CSMD2: variants seen among roughly 807,000 people sequenced by gnomAD.
The protein encoded by CSMD2 is CUB and sushi domain-containing protein 2.
CSMD2 carries 130 observed loss-of-function variants against 398.5 expected under a neutral mutation model. The observed-to-expected ratio is 0.33, with a 90% CI of 0.28 to 0.38. The LOEUF is 0.38. Ranked by LOEUF, CSMD2 falls within the 10% of genes least tolerant of loss-of-function variation. CSMD2 has a pLI of 1.00. For synonymous variants in CSMD2, 1,828 were observed against 1,908.5 expected, an observed-to-expected ratio of 0.96 and a Z score of 1.10; for missense variants, 3,829 against 4,764.9, an observed-to-expected ratio of 0.80 and a Z score of 5.78.
chr1:33,659,777 A>G (rs558513185), intron 26 of CSMD2, among the ~76,000 whole-genome samples: 63 of 152,364 alleles, frequency 4.1e-4, no homozygotes, highest in Non-Finnish European at 7.9e-4. Flanking sequence ...CTTGAGTTAC[A>G]CAATCTGATA....
chr1:34,103,332 T>A (rs1167471207), intron 1 of CSMD2, among the ~76,000 whole-genome samples: 1 of 133,066 alleles, frequency 7.5e-6, no homozygotes, highest in Admixed American at 8.4e-5. Flanking sequence ...AGATTCTCGC[T>A]CTGTCAACCA....
At chr1:33,978,466 T>C (rs1181598567) in intron 3 of CSMD2, among the ~76,000 whole-genome samples, 1 of 152,090 alleles carries the variant, frequency 6.6e-6, no homozygotes, top group Non-Finnish European at 1.5e-5. Flanking sequence ...AGAAAGATCA[T>C]GATGAGCTGT....
intron 6 of CSMD2, among the ~76,000 whole-genome samples, chr1:33,833,642 T>C (rs950311376): frequency 2.7e-5 from 4 of 149,616 alleles, no homozygotes; most frequent in African/African-American, 9.9e-5. Flanking sequence ...CTGTTGGAAG[T>C]TCTGGCCAGG....
chr1:33,996,223 T>G (rs1204924580), intron 3 of CSMD2, among the ~76,000 whole-genome samples: 1 of 152,066 alleles, frequency 6.6e-6, no homozygotes, highest in East Asian at 1.9e-4. Context: ...CCATGCCCTC[T>G]GGCTGGATCT....
chr1:34,067,184 G>A lies in CSMD2; in HGVS notation c.404+21793C>T, dbSNP rs77429034. On this transcript the variant is annotated intron_variant, in intron 2 of 70. Coordinates refer to ENST00000373381, the MANE Select transcript of CSMD2 (RefSeq NM_001281956.2). ...CACAGCTCTGGGTAGTGATTAGAGG[G>A]AAAACTATTGAGAAATATATATTTA... Among the ~76,000 whole-genome samples the A allele has an allele frequency of 2.8e-4, 43 of 152,240 alleles. 1 individual carries two copies. In the East Asian group the frequency reaches 8.3e-3, roughly 29 times the overall value.
rs1237769932 is a variant in CSMD2 at position 33,791,517 on chromosome 1, ACT to A, written c.1550+904_1550+905del. ...TTTTTCTTTTTTTAGACAGGATCTCACTCTGTCACCCAGGCTAGAGTGTAGTG... is the reference window on the plus strand; with the variant it reads ...TTTTTCTTTTTTTAGACAGGATCTCACTGTCACCCAGGCTAGAGTGTAGTG... On this transcript the variant is annotated intron_variant, in intron 11 of 70. Coordinates refer to ENST00000373381, the MANE Select transcript of CSMD2 (RefSeq NM_001281956.2). 2.6e-5 allele frequency among the ~76,000 whole-genome samples: 4 copies of A among 151,584 alleles called. No individual in the cohort carries two copies. The East Asian group carries it at 7.7e-4, about 29-fold the overall frequency.
intron 42 of CSMD2, among the ~76,000 whole-genome samples, chr1:33,604,051 G>A (rs1226446638): frequency 2.6e-5 from 4 of 152,206 alleles, no homozygotes; most frequent in African/African-American, 9.7e-5. Context: ...TTAGGGACAT[G>A]GGAGAAAGCA....
rs144953775 is a variant in CSMD2 at position 33,668,113 on chromosome 1, G to A, written c.4053-5021C>T. ...CACATGGAGAGCAGGAGGGGTGAGAGGTGGGAGGAAGCCTGCAGTGAATAA... is the reference window on the plus strand; with the variant it reads ...CACATGGAGAGCAGGAGGGGTGAGAAGTGGGAGGAAGCCTGCAGTGAATAA... On this transcript the variant is annotated intron_variant, in intron 25 of 70. Coordinates refer to ENST00000373381, the MANE Select transcript of CSMD2 (RefSeq NM_001281956.2). 3.2e-3 allele frequency among the ~76,000 whole-genome samples: 485 copies of A among 152,248 alleles called. 5 individuals carry two copies. Among genetic ancestry groups the A allele is most frequent in the African/African-American group, 0.011 (468 of 41,552 alleles).
intron 3 of CSMD2, among the ~76,000 whole-genome samples, chr1:34,018,179 C>T (rs12024759): frequency 0.093 from 14,214 of 152,144 alleles, 995 homozygotes; most frequent in East Asian, 0.3. Context: ...GGTTTTTTCA[C>T]AGAAAATAAT....
chr1:33,595,465 A>G (rs1275751140), intron 44 of CSMD2, among the ~76,000 whole-genome samples: 2 of 151,816 alleles, frequency 1.3e-5, no homozygotes, highest in African/African-American at 4.8e-5. Flanking sequence ...TCCCTTTGTT[A>G]TTATTGTGTG....
At chr1:33,965,400 A>G (rs1645522221) in intron 3 of CSMD2, among the ~76,000 whole-genome samples, 1 of 152,186 alleles carries the variant, frequency 6.6e-6, no homozygotes, top group Non-Finnish European at 1.5e-5. Context: ...CCATAAACAC[A>G]CAATCTCCAG....
At chr1:33,755,596 T>C (rs553969853) in intron 13 of CSMD2, among the ~76,000 whole-genome samples, 8 of 152,310 alleles carry the variant, frequency 5.3e-5, no homozygotes, top group African/African-American at 1.9e-4. Context: ...CCTAGATTCA[T>C]ATTTGATATA....
chr1:34,165,382 A>T, upstream of CSMD2: 1 of 936,434 alleles, frequency 1.1e-6, no homozygotes. Flanking sequence ...GCCGCTCCAA[A>T]TGCTGGGGGT....
chr1:34,015,162 G>A (rs1375255364), intron 3 of CSMD2, among the ~76,000 whole-genome samples: 1 of 152,206 alleles, frequency 6.6e-6, no homozygotes, highest in Non-Finnish European at 1.5e-5. Flanking sequence ...GAACCCAGGT[G>A]CATGTACCCA....
chr1:34,011,879 C>A (rs572815411), intron 3 of CSMD2, among the ~76,000 whole-genome samples: 3 of 152,144 alleles, frequency 2.0e-5, no homozygotes, highest in African/African-American at 7.2e-5. Flanking sequence ...CCACTCACAA[C>A]CCTTCCCAGC....
chr1:33,524,913 GATCAT>G lies in CSMD2; in HGVS notation c.10360_10364del (p.Met3454ArgfsTer37). On this transcript the variant is annotated frameshift_variant, in exon 66 of 71. Coordinates refer to ENST00000373381, the MANE Select transcript of CSMD2 (RefSeq NM_001281956.2). LOFTEE classifies it high-confidence loss of function. ...AGTGCAGCTCCACGCCACTGTGGTC[GATCAT>G]GGTGGCATTGACCTTGCTGTTGGCA... 1 of 1,614,160 alleles carries G rather than the reference GATCAT, an allele frequency of 6.2e-7. No individual in the cohort carries two copies. Among genetic ancestry groups the G allele is most frequent in the Non-Finnish European group, 8.5e-7 (1 of 1,180,026 alleles).
intron 3 of CSMD2, among the ~76,000 whole-genome samples, chr1:33,949,914 A>T (rs1485916861): frequency 6.6e-6 from 1 of 152,000 alleles, no homozygotes; most frequent in Non-Finnish European, 1.5e-5. Flanking sequence ...AGTGCCTCCA[A>T]CTGCACATGG....
chr1:33,967,202 T>C (rs914961727), intron 3 of CSMD2, among the ~76,000 whole-genome samples: 7 of 151,554 alleles, frequency 4.6e-5, no homozygotes, highest in African/African-American at 7.3e-5. Flanking sequence ...TATGGAATCA[T>C]TAAAGGTCTG....
chr1:33,563,951 A>C (rs1278894591), intron 53 of CSMD2, among the ~76,000 whole-genome samples: 1 of 152,014 alleles, frequency 6.6e-6, no homozygotes, highest in Non-Finnish European at 1.5e-5. Context: ...TTGTTCTTTT[A>C]TTCTTGCTTT....
Sources: gnomAD v4.1 joint callset for allele counts (sites outside exome capture counted in the v4.1 genomes callset) on GRCh38, gnomAD v4.1.1 for gene constraint, MANE v1.5 for transcripts, NCBI Gene and HGNC (gene_info 2026-07-23, HGNC 2026-07-21) for gene names.